The following ANK2 variants were observed in gnomAD, a reference collection of about 807,000 sequenced individuals.
The protein encoded by ANK2 is ankyrin-2.
In ANK2, 83 loss-of-function variants were observed where a neutral mutation model predicts 360.5. The observed-to-expected ratio is 0.23, with a 90% CI of 0.19 to 0.28. The LOEUF (loss-of-function observed/expected upper bound fraction) is 0.28, where lower values mean the gene tolerates loss of function less well. Among genes scored for constraint, ANK2 ranks in the 10% least tolerant of loss-of-function variants. The pLI, the probability that ANK2 is intolerant of heterozygous loss-of-function variation, is 1.00. For synonymous variants in ANK2, 1,740 were observed against 1,759.5 expected (o/e 0.99, Z 0.28); for missense variants, 4,201 against 4,795.7 (o/e 0.88, Z 3.66).
At chr4:112,712,404 ATATT>A in the ANK2 span, among the ~76,000 whole-genome samples, 204 of 52,650 alleles carry the variant, frequency 3.9e-3, no homozygotes, top group African/African-American at 8.3e-3. Context: ...ATATATATAT[ATATT>A]TTTTTTTTTT....
chr4:113,084,412 A>G (rs1366192230), intron 1 of ANK2, among the ~76,000 whole-genome samples: 2 of 152,212 alleles, frequency 1.3e-5, no homozygotes, highest in African/African-American at 4.8e-5. Flanking sequence ...CGTCAGTGTA[A>G]TGGTATTGAA....
chr4:113,154,956 T>C (rs2097225284), intron 1 of ANK2, among the ~76,000 whole-genome samples: 1 of 152,182 alleles, frequency 6.6e-6, no homozygotes, highest in African/African-American at 2.4e-5. Context: ...TCATCTGGCA[T>C]TGGGACCAGA....
the ANK2 span, among the ~76,000 whole-genome samples, chr4:112,771,264 C>T: frequency 6.6e-6 from 1 of 152,142 alleles, no homozygotes; most frequent in African/African-American, 2.4e-5. Flanking sequence ...AGGCATGCGC[C>T]ACCACGCTTG....
At chr4:112,765,130 T>C in the ANK2 span, among the ~76,000 whole-genome samples, 1 of 152,256 alleles carries the variant, frequency 6.6e-6, no homozygotes. Context: ...GACATAATTG[T>C]TCATGCTGAA....
intron 1 of ANK2, among the ~76,000 whole-genome samples, chr4:113,143,892 A>G (rs909120550): frequency 2.6e-5 from 4 of 152,222 alleles, no homozygotes; most frequent in African/African-American, 9.7e-5. Context: ...TATTATGATG[A>G]ATCGTTAGTC....
At chr4:113,068,490 A>T (rs1313065716) in intron 1 of ANK2, among the ~76,000 whole-genome samples, 1 of 152,218 alleles carries the variant, frequency 6.6e-6, no homozygotes, top group African/African-American at 2.4e-5. Flanking sequence ...AATGAAAAGC[A>T]AATAAAAATA....
chr4:112,768,150 A>G, the ANK2 span, among the ~76,000 whole-genome samples: 1 of 152,242 alleles, frequency 6.6e-6, no homozygotes, highest in Non-Finnish European at 1.5e-5. Flanking sequence ...CTTTATGTTT[A>G]CATTGATATT....
At chr4:113,302,047 A>G (rs569056455) in intron 22 of ANK2, among the ~76,000 whole-genome samples, 1 of 152,166 alleles carries the variant, frequency 6.6e-6, no homozygotes, top group Non-Finnish European at 1.5e-5. Flanking sequence ...CTTATGGTTG[A>G]GGAAATTGAG....
At chr4:113,173,738 C>T (rs567251661) in intron 1 of ANK2, among the ~76,000 whole-genome samples, 1 of 152,256 alleles carries the variant, frequency 6.6e-6, no homozygotes, top group South Asian at 2.1e-4. Flanking sequence ...GAGTGATCAT[C>T]TTTACCAAAA....
At chr4:112,815,297 C>T (rs1315453378), upstream of ANK2, among the ~76,000 whole-genome samples, 3 of 152,222 alleles carry the variant, frequency 2.0e-5, no homozygotes, top group African/African-American at 7.2e-5. Flanking sequence ...ATAAACCCAT[C>T]GAATATCATG....
upstream of ANK2, among the ~76,000 whole-genome samples, chr4:113,047,130 G>A (rs1233257309): frequency 6.6e-6 from 1 of 152,162 alleles, no homozygotes; most frequent in Non-Finnish European, 1.5e-5. Flanking sequence ...TTTTTGCCAA[G>A]AAGTTCCCAT....
chr4:112,868,502 T>C (rs1329511735), intron 1 of ANK2, among the ~76,000 whole-genome samples: 1 of 152,260 alleles, frequency 6.6e-6, no homozygotes, highest in Non-Finnish European at 1.5e-5. Flanking sequence ...AACATTAATC[T>C]GCTCCTGAGG....
chr4:113,311,289 C>T lies in ANK2; in HGVS notation c.2583C>T (p.Tyr861=), dbSNP rs529426179. ...DDTMTGDGGE[Y]LRPEDLKELG... is the part of the protein sequence containing the mutation. ...CAATGACTGGTGATGGGGGAGAATA[C>T]CTTAGGCCTGAGGACCTAAAAGAAC... The change falls in exon 24 of 46, where the codon TAC becomes TAT. Residue 861 remains tyrosine, a synonymous_variant. Transcript: ENST00000357077. 7.4e-5 allele frequency: 120 copies of T among 1,614,078 alleles called. No homozygotes were observed. The South Asian group carries it at 1.2e-3, about 16-fold the overall frequency.
At chr4:113,218,540 C>T (rs990343186) in intron 4 of ANK2, among the ~76,000 whole-genome samples, 46 of 151,612 alleles carry the variant, frequency 3.0e-4, no homozygotes, top group African/African-American at 6.3e-4. Context: ...ATATCTCAGG[C>T]GATAAAAAGT....
At chr4:113,373,654 T>A (rs1275730869) in intron 45 of ANK2, 2 of 758,508 alleles carry the variant, frequency 2.6e-6, no homozygotes, top group Admixed American at 1.7e-5. Context: ...GGCATTATAC[T>A]CATTGTTTTT....
At position 112,986,095 on chromosome 4, in the gene ANK2, T is replaced by TGAACTTAGACC. The variant is rs200614973; in HGVS notation, c.21+81581_21+81582insGAACTTAGACC. Reference sequence around the variant, plus strand: ...CCATATATATATATATAATCCAATATATAGTATGTCTGGTTAGTACACTGT... The same window carrying TGAACTTAGACC: ...CCATATATATATATATAATCCAATATGAACTTAGACCATAGTATGTCTGGTTAGTACACTGT... On this transcript the variant is annotated intron_variant, in intron 2 of 30. Transcript: ENST00000503271. Among the ~76,000 whole-genome samples the TGAACTTAGACC allele has an allele frequency of 2.4e-4, 36 of 148,500 alleles. No homozygotes were observed. The East Asian group carries it at 7.0e-3, about 29-fold the overall frequency.
the ANK2 span, among the ~76,000 whole-genome samples, chr4:112,810,542 C>T: frequency 6.6e-6 from 1 of 151,852 alleles, no homozygotes; most frequent in African/African-American, 2.4e-5. Flanking sequence ...CTGTTTCCTT[C>T]TTGCTTATTT....
intron 10 of ANK2, among the ~76,000 whole-genome samples, chr4:113,250,755 GCC>G (rs10659682): frequency 9.9e-5 from 6 of 60,366 alleles, no homozygotes; most frequent in African/African-American, 3.1e-4. Context: ...TCATACCACC[GCC>G]CCCCCCCCCG....
upstream of ANK2, among the ~76,000 whole-genome samples, chr4:112,814,424 C>G (rs72906851): frequency 6.7e-6 from 1 of 150,218 alleles, no homozygotes; most frequent in Non-Finnish European, 1.5e-5. Flanking sequence ...GACTGGAGAG[C>G]GTTTTTTTGT....
Sources: gnomAD v4.1 joint callset for allele counts (sites outside exome capture counted in the v4.1 genomes callset) on GRCh38, gnomAD v4.1.1 for gene constraint, MANE v1.5 for transcripts, NCBI Gene and HGNC (gene_info 2026-07-23, HGNC 2026-07-21) for gene names.